Variants in ALG14 observed in about 807,000 individuals in gnomAD.
ALG14 encodes the protein ALG14 UDP-N-acetylglucosaminyltransferase subunit.
In ALG14, 17 loss-of-function variants were observed where a neutral mutation model predicts 22.8. The ratio of observed to expected loss-of-function variants is 0.75; its 90% CI spans 0.51 to 1.12. The LOEUF is 1.12. Ranked by LOEUF, ALG14 falls within the 50% of genes most tolerant of loss-of-function variation. The probability of loss-of-function intolerance (pLI) is 0.00; values close to 1 mark genes in which losing one functional copy is unlikely to be tolerated. For missense variants in ALG14, 288 were observed against 271.8 expected, an observed-to-expected ratio of 1.06 and a Z score of -0.42; for synonymous variants, 89 against 103.7, an observed-to-expected ratio of 0.86 and a Z score of 0.86.
In ALG14 at chr1:94,983,363, A is replaced by AT. The variant is rs567742719; in HGVS notation, c.421-58dup. 473 of 1,438,976 alleles carry AT rather than the reference A, an allele frequency of 3.3e-4. 1 individual carries two copies. In the African/African-American group the frequency reaches 5.6e-3, roughly 17 times the overall value. 89.1% of individuals were successfully genotyped at this position (1,438,976 alleles called of 1,614,324 possible). The stretch of plus-strand genomic sequence containing the variant: ...TACAGAATAATAATCTAAGGGAGGC[A>AT]TTTTGCATTAAGAACAGCCTGATTT... On this transcript the variant is annotated intron_variant, in intron 3 of 3. Transcript: ENST00000370205.
At chr1:95,020,102 C>T (rs548829632) in intron 3 of ALG14, among the ~76,000 whole-genome samples, 3 of 151,918 alleles carry the variant, frequency 2.0e-5, no homozygotes, top group South Asian at 2.1e-4. Context: ...TCTATAATCC[C>T]GCTACTCAGG....
chr1:95,003,732 T>C (rs548865283), intron 3 of ALG14, among the ~76,000 whole-genome samples: 2 of 152,272 alleles, frequency 1.3e-5, no homozygotes, highest in African/African-American at 4.8e-5. Flanking sequence ...AGTGTTGGGA[T>C]TATAGGGATG....
intron 2 of ALG14, among the ~76,000 whole-genome samples, chr1:95,063,130 C>T (rs1212636928): frequency 6.6e-6 from 1 of 152,088 alleles, no homozygotes; most frequent in African/African-American, 2.4e-5. Flanking sequence ...GTCCTTTGCC[C>T]ACTTTTTAAT....
intron 3 of ALG14, among the ~76,000 whole-genome samples, chr1:94,985,335 G>A (rs1672615146): frequency 6.6e-6 from 1 of 152,212 alleles, no homozygotes; most frequent in Non-Finnish European, 1.5e-5. Context: ...ATGGGGGCCT[G>A]TCTTGTGCAT....
chr1:95,022,813 T>C (rs555448575), intron 3 of ALG14, among the ~76,000 whole-genome samples: 1 of 152,316 alleles, frequency 6.6e-6, no homozygotes, highest in Admixed American at 6.5e-5. Flanking sequence ...AAGTTTCCTT[T>C]GAACATGTTA....
intron 3 of ALG14, among the ~76,000 whole-genome samples, chr1:94,994,353 TG>T (rs1245141422): frequency 6.6e-6 from 1 of 152,198 alleles, no homozygotes; most frequent in African/African-American, 2.4e-5. Flanking sequence ...CTGAAGTAAG[TG>T]GCTTCTCAAA....
intron 3 of ALG14, among the ~76,000 whole-genome samples, chr1:95,002,631 C>T (rs1466613878): frequency 3.3e-5 from 5 of 152,130 alleles, no homozygotes; most frequent in African/African-American, 9.7e-5. Context: ...TTCAGAAACT[C>T]AGAAATAAAA....
At chr1:95,042,597 G>A (rs1029827092) in intron 2 of ALG14, among the ~76,000 whole-genome samples, 1 of 152,204 alleles carries the variant, frequency 6.6e-6, no homozygotes, top group Non-Finnish European at 1.5e-5. Flanking sequence ...CCTTGTTTTG[G>A]TGGGGCACAC....
At chr1:94,993,812 A>G (rs1229267798) in intron 3 of ALG14, among the ~76,000 whole-genome samples, 4 of 152,234 alleles carry the variant, frequency 2.6e-5, no homozygotes, top group African/African-American at 9.6e-5. Flanking sequence ...ACATCCAGAC[A>G]TCAGGCTCCA....
intron 2 of ALG14, among the ~76,000 whole-genome samples, chr1:95,060,948 G>A (rs1004524882): frequency 1.3e-5 from 2 of 152,130 alleles, no homozygotes; most frequent in Non-Finnish European, 2.9e-5. Flanking sequence ...ATTAGAGTGG[G>A]CCCTAAATCC....
intron 3 of ALG14, among the ~76,000 whole-genome samples, chr1:94,995,059 G>A (rs1672874100): frequency 2.0e-5 from 3 of 152,172 alleles, no homozygotes; most frequent in Admixed American, 2.0e-4. Flanking sequence ...TATTTTTCCT[G>A]TGACACTTCC....
At chr1:95,067,258 A>G (rs1388489628) in intron 1 of ALG14, 1 of 152,276 alleles carries the variant, frequency 6.6e-6, no homozygotes, top group African/African-American at 2.4e-5. Context: ...TCTGCCCAGC[A>G]GTTGCCTGCC....
chr1:95,030,153 T>C (rs1036306496), intron 2 of ALG14, among the ~76,000 whole-genome samples: 1 of 152,242 alleles, frequency 6.6e-6, no homozygotes, highest in Admixed American at 6.5e-5. Context: ...CCACATATTA[T>C]ATAATATCCT....
chr1:95,071,676 C>T (rs1295488080), intron 1 of ALG14, among the ~76,000 whole-genome samples: 2 of 152,216 alleles, frequency 1.3e-5, no homozygotes, highest in Non-Finnish European at 2.9e-5. Flanking sequence ...TTCACATCCT[C>T]CCAGCCCTCG....
intron 3 of ALG14, among the ~76,000 whole-genome samples, chr1:94,996,964 T>G (rs752741561): frequency 6.0e-4 from 91 of 152,138 alleles, no homozygotes; most frequent in Non-Finnish European, 1.2e-3. Flanking sequence ...ATTATAGGTG[T>G]AAGCCACCGC....
At chr1:94,998,775 C>T (rs889290640) in intron 3 of ALG14, among the ~76,000 whole-genome samples, 3 of 152,122 alleles carry the variant, frequency 2.0e-5, no homozygotes. Flanking sequence ...AGGTAACTAA[C>T]TCATAGGGTT....
intron 3 of ALG14, 83 bp downstream of exon 3, chr1:95,027,046 G>A (rs1182713000): frequency 6.6e-7 from 1 of 1,515,364 alleles, no homozygotes; most frequent in African/African-American, 1.4e-5. Context: ...AATGGTAGCT[G>A]TTTAAGAAAA....
At position 94,979,779 on chromosome 1, in the gene ALG14, T is replaced by C. The variant is rs1319807103; in HGVS notation, c.*3297A>G. ...AAGGAGGAGCTATGTCAAATTCATG[T>C]TTAAAATGAGTGGGCAGCAGGAACA... On this transcript the variant is annotated 3_prime_UTR_variant, in exon 4 of 4. Transcript: ENST00000370205. 6.6e-6 allele frequency: 1 copy of C among 152,168 alleles called. No homozygotes were observed. The highest frequency in any genetic ancestry group is 2.4e-5 in the African/African-American group (1 of 41,440). 9.4% of individuals were successfully genotyped at this position (152,168 alleles called of 1,614,324 possible). A position where few individuals can be genotyped will look rare whatever the true frequency, so the allele number is the denominator to read the frequency against.
intron 3 of ALG14, among the ~76,000 whole-genome samples, chr1:94,997,839 G>T (rs1436674452): frequency 6.6e-6 from 1 of 152,166 alleles, no homozygotes; most frequent in African/African-American, 2.4e-5. Flanking sequence ...GAAGCGGGGA[G>T]GAGAATCTTT....
Sources: allele counts gnomAD v4.1 joint callset (sites outside exome capture counted in the v4.1 genomes callset), GRCh38; gene constraint gnomAD v4.1.1; transcripts MANE v1.5; gene names NCBI Gene and HGNC (gene_info 2026-07-23, HGNC 2026-07-21).